Variants in RAB38 observed in about 807,000 individuals in gnomAD.
The protein encoded by RAB38 is RAB38, member RAS oncogene family.
Under a neutral mutation model 18.4 loss-of-function variants are expected in RAB38, and 15 were observed. The ratio of observed to expected loss-of-function variants is 0.82; its 90% CI spans 0.55 to 1.26. The LOEUF (loss-of-function observed/expected upper bound fraction) is 1.26, where lower values mean the gene tolerates loss of function less well. Ranked by LOEUF, RAB38 falls within the 50% of genes most tolerant of loss-of-function variation. The pLI, the probability that RAB38 is intolerant of heterozygous loss-of-function variation, is 0.00. For synonymous variants in RAB38, 101 were observed against 104.4 expected, an observed-to-expected ratio of 0.97 and a Z score of 0.20; for missense variants, 294 against 267.4, an observed-to-expected ratio of 1.10 and a Z score of -0.69.
the RAB38 span, among the ~76,000 whole-genome samples, chr11:87,849,114 C>T: frequency 3.9e-5 from 6 of 152,064 alleles, no homozygotes; most frequent in Non-Finnish European, 8.8e-5. Flanking sequence ...ATAAACATGA[C>T]TTTCGCCACC....
At chr11:87,866,178 G>C in the RAB38 span, among the ~76,000 whole-genome samples, 1 of 151,796 alleles carries the variant, frequency 6.6e-6, no homozygotes, top group East Asian at 2.0e-4. Flanking sequence ...GTGGGGCATA[G>C]GGGATCAGGG....
chr11:87,901,481 C>G, the RAB38 span, among the ~76,000 whole-genome samples: 1 of 151,582 alleles, frequency 6.6e-6, no homozygotes, highest in African/African-American at 2.4e-5. Flanking sequence ...CCTCCTTTCA[C>G]TAACGTCATT....
the RAB38 span, among the ~76,000 whole-genome samples, chr11:87,837,036 T>G: frequency 6.6e-6 from 1 of 152,214 alleles, no homozygotes; most frequent in Admixed American, 6.5e-5. Flanking sequence ...AGATATCAAG[T>G]AATCCTCTTC....
At chr11:88,108,741 T>C (rs1565205961), downstream of RAB38, among the ~76,000 whole-genome samples, 1 of 152,216 alleles carries the variant, frequency 6.6e-6, no homozygotes, top group African/African-American at 2.4e-5. Flanking sequence ...ATAGTGTCGA[T>C]GGTCTTTACA....
At chr11:87,889,519 G>C in the RAB38 span, among the ~76,000 whole-genome samples, 2 of 151,818 alleles carry the variant, frequency 1.3e-5, no homozygotes, top group African/African-American at 4.8e-5. Flanking sequence ...ATTATGATCA[G>C]TAATAATAAT....
chr11:88,159,779 C>A (rs1446398411), intron 1 of RAB38, among the ~76,000 whole-genome samples: 4 of 151,900 alleles, frequency 2.6e-5, no homozygotes, highest in Non-Finnish European at 5.9e-5. Context: ...TAGCCATATG[C>A]AGAAGAATGA....
the RAB38 span, among the ~76,000 whole-genome samples, chr11:87,824,803 C>T: frequency 6.6e-6 from 1 of 152,106 alleles, no homozygotes; most frequent in East Asian, 1.9e-4. Context: ...CCTAGAGACA[C>T]TAGAGGTGAG....
the RAB38 span, among the ~76,000 whole-genome samples, chr11:87,901,793 T>C: frequency 1.2e-4 from 18 of 151,740 alleles, no homozygotes; most frequent in African/African-American, 4.1e-4. Context: ...TTAATAATCA[T>C]AGTCCATCAG....
At chr11:87,970,065 T>C in the RAB38 span, among the ~76,000 whole-genome samples, 9 of 151,988 alleles carry the variant, frequency 5.9e-5, no homozygotes, top group South Asian at 4.2e-4. Flanking sequence ...AGTGAGAAGA[T>C]TGACATGGAA....
intron 2 of RAB38, among the ~76,000 whole-genome samples, chr11:88,140,582 T>C (rs1273408963): frequency 6.6e-6 from 1 of 152,146 alleles, no homozygotes; most frequent in Non-Finnish European, 1.5e-5. Flanking sequence ...TGGTAAGGTA[T>C]AGGAGAGACT....
the RAB38 span, among the ~76,000 whole-genome samples, chr11:87,944,274 A>G: frequency 6.6e-6 from 1 of 152,146 alleles, no homozygotes. Flanking sequence ...AATTGCAAAC[A>G]AACAAAAAAA....
chr11:88,035,830 G>C, the RAB38 span, among the ~76,000 whole-genome samples: 1 of 152,012 alleles, frequency 6.6e-6, no homozygotes, highest in East Asian at 1.9e-4. Context: ...AGGAAAAATA[G>C]TGGTGCTGAT....
At chr11:87,808,986 G>A in the RAB38 span, among the ~76,000 whole-genome samples, 3 of 152,028 alleles carry the variant, frequency 2.0e-5, no homozygotes, top group East Asian at 5.8e-4. Context: ...CTCTAAATTG[G>A]TAGAGGGGAA....
the RAB38 span, among the ~76,000 whole-genome samples, chr11:87,902,592 G>C: frequency 6.6e-6 from 1 of 151,446 alleles, no homozygotes; most frequent in Non-Finnish European, 1.5e-5. Flanking sequence ...CTAAACATGA[G>C]TTTGAGTAGA....
chr11:87,944,786 C>T, the RAB38 span, among the ~76,000 whole-genome samples: 2 of 152,090 alleles, frequency 1.3e-5, no homozygotes, highest in South Asian at 2.1e-4. Context: ...CGCAGCCAAA[C>T]CCATTTGAGC....
At chr11:87,859,469 G>C in the RAB38 span, among the ~76,000 whole-genome samples, 2 of 152,064 alleles carry the variant, frequency 1.3e-5, no homozygotes, top group East Asian at 1.9e-4. Flanking sequence ...GCACAGTTAA[G>C]ACACCTTGAT....
chr11:87,868,776 C>A, the RAB38 span, among the ~76,000 whole-genome samples: 4 of 151,678 alleles, frequency 2.6e-5, no homozygotes, highest in Non-Finnish European at 4.4e-5. Flanking sequence ...ACCCTGCCCC[C>A]ATCCTCTCTT....
At chr11:88,079,577 T>C in the RAB38 span, among the ~76,000 whole-genome samples, 3 of 151,766 alleles carry the variant, frequency 2.0e-5, no homozygotes, top group African/African-American at 2.4e-5. Flanking sequence ...ATTTCCCTGA[T>C]ATCAAAACTA....
chr11:87,875,624 T>C, the RAB38 span, among the ~76,000 whole-genome samples: 1 of 151,558 alleles, frequency 6.6e-6, no homozygotes, highest in African/African-American at 2.4e-5. Context: ...TTTTTCATTA[T>C]ATTTTCTTAA....
Sources: gnomAD v4.1 joint callset for allele counts (sites outside exome capture counted in the v4.1 genomes callset) on GRCh38, gnomAD v4.1.1 for gene constraint, MANE v1.5 for transcripts, NCBI Gene and HGNC (gene_info 2026-07-23, HGNC 2026-07-21) for gene names.